ARL6IP6: variants seen among roughly 807,000 people sequenced by gnomAD.
ARL6IP6 encodes the protein ARF like GTPase 6 interacting protein 6, also known as ADP-ribosylation factor-like protein 6-interacting protein 6.
ARL6IP6 carries 22 observed loss-of-function variants against 21.5 expected under a neutral mutation model. The observed-to-expected ratio is 1.02, with a 90% CI of 0.73 to 1.46. The LOEUF (loss-of-function observed/expected upper bound fraction) is 1.46, where lower values mean the gene tolerates loss of function less well. Ranked by LOEUF, ARL6IP6 falls within the 40% of genes most tolerant of loss-of-function variation. The pLI is 0.00. For synonymous variants in ARL6IP6, 164 were observed against 125.3 expected (o/e 1.31, Z -2.06); for missense variants, 388 against 299.8 (o/e 1.29, Z -2.17).
chr2:152,718,294 G>A (rs565757598), upstream of ARL6IP6: 370 of 276,012 alleles, frequency 1.3e-3, 3 homozygotes, highest in African/African-American at 7.1e-3. Context: ...CGTTGGTGAC[G>A]CGGGGGTGGC....
intron 2 of ARL6IP6, among the ~76,000 whole-genome samples, chr2:152,731,819 C>T (rs1574030803): frequency 6.6e-6 from 1 of 152,210 alleles, no homozygotes; most frequent in African/African-American, 2.4e-5. Flanking sequence ...ATATACATTT[C>T]TTCATATATA....
Position 152,718,990 on chromosome 2 carries a change from C to T in ARL6IP6, c.366C>T (p.Ala122=). The T allele has an allele frequency of 3.2e-6, 5 of 1,583,946 alleles. No individual in the cohort carries two copies. The highest frequency in any genetic ancestry group is 4.3e-6 in the Non-Finnish European group (5 of 1,162,296). The change falls in exon 1 of 4, where the codon GCC becomes GCT. Residue 122 remains alanine, a synonymous_variant. Coordinates refer to ENST00000326446, the MANE Select transcript of ARL6IP6 (RefSeq NM_152522.7). ...LCSLLFAILL[A]FLLAIAYLIV... is the part of the protein sequence containing the mutation. The stretch of plus-strand genomic sequence containing the variant: ...CGCTGCTCTTCGCCATTCTTCTCGC[C>T]TTCCTCCTCGCCATCGCCTACTTGA...
intron 3 of ARL6IP6, among the ~76,000 whole-genome samples, chr2:152,753,595 C>A (rs770367281): frequency 2.6e-5 from 4 of 150,970 alleles, no homozygotes; most frequent in Non-Finnish European, 4.4e-5. Flanking sequence ...CTACTGAGAT[C>A]TCATTGAATT....
chr2:152,732,275 A>G (rs1700354721), intron 2 of ARL6IP6, among the ~76,000 whole-genome samples: 1 of 152,086 alleles, frequency 6.6e-6, no homozygotes, highest in Non-Finnish European at 1.5e-5. Flanking sequence ...CTCCATAGAA[A>G]TTAAAACAAT....
Position 152,760,337 on chromosome 2 carries a change from A to G in ARL6IP6, c.*497A>G, listed in dbSNP as rs1256201284. ...AGCTACTTTTAAATCAGAATATTTAATTTTTGATATTCATATAATTAATAG... is the reference window on the plus strand; with the variant it reads ...AGCTACTTTTAAATCAGAATATTTAGTTTTTGATATTCATATAATTAATAG... On this transcript the variant is annotated 3_prime_UTR_variant, in exon 4 of 4. Transcript: ENST00000326446. 6.6e-6 allele frequency: 1 copy of G among 152,554 alleles called. No homozygotes were observed. Among genetic ancestry groups the G allele is most frequent in the Non-Finnish European group, 1.5e-5 (1 of 68,022 alleles). 9.5% of individuals were successfully genotyped at this position (152,554 alleles called of 1,614,324 possible).
At chr2:152,718,452 C>T (rs1451277126), upstream of ARL6IP6, 3 of 902,914 alleles carry the variant, frequency 3.3e-6, no homozygotes, top group South Asian at 2.5e-5. Context: ...TCCGCCTCTC[C>T]TTTGGCCCTG....
At chr2:152,748,526 G>A (rs1701166125) in intron 3 of ARL6IP6, among the ~76,000 whole-genome samples, 1 of 152,264 alleles carries the variant, frequency 6.6e-6, no homozygotes, top group South Asian at 2.1e-4. Flanking sequence ...GATAGAATGA[G>A]AAAACAAAGG....
rs1255529274 is a variant in ARL6IP6, at chr2:152,760,562, C to CCT, written c.*723_*724dup. 1 of 151,294 alleles carries CCT rather than the reference C, an allele frequency of 6.6e-6. No homozygotes were observed. The highest frequency in any genetic ancestry group is 1.5e-5 in the Non-Finnish European group (1 of 67,824). The allele number at this position is 151,294 out of a possible 1,614,324, so 9.4% of individuals were successfully genotyped here. A position where few individuals can be genotyped will look rare whatever the true frequency, so the allele number is the denominator to read the frequency against. On this transcript the variant is annotated 3_prime_UTR_variant, in exon 4 of 4. Coordinates refer to ENST00000326446, the MANE Select transcript of ARL6IP6 (RefSeq NM_152522.7). Reference sequence around the variant, plus strand: ...TAAAAAAAGCAAAAAAGCACATTGACCTAAGTTGAAAATTAAGTAAGTTTA... The same window carrying CCT: ...TAAAAAAAGCAAAAAAGCACATTGACCTCTAAGTTGAAAATTAAGTAAGTTTA...
In ARL6IP6 at chr2:152,735,104, C is replaced by A. The variant is rs1035943931; in HGVS notation, c.565C>A (p.Pro189Thr). 1 of 1,613,672 alleles carries A rather than the reference C, an allele frequency of 6.2e-7. No individual in the cohort carries two copies. The highest frequency in any genetic ancestry group is 1.3e-5 in the African/African-American group (1 of 74,916). Reference sequence around the variant, plus strand: ...TGAACCAGGAATGTTTCCTCCTACTCCTCTTTCACCTGCCAGGTTCAAGTA... The same window carrying A: ...TGAACCAGGAATGTTTCCTCCTACTACTCTTTCACCTGCCAGGTTCAAGTA... ...SFEPGMFPPTPLSPARFKKLT... is the reference protein window; with the variant it reads ...SFEPGMFPPTTLSPARFKKLT... Residue 189 changes from proline (P) to threonine (T), a missense_variant, in exon 3 of 4, where the codon CCT (proline) becomes ACT (threonine). Physicochemically the swap from Pro to Thr is conservative, Grantham distance 38. Coordinates refer to ENST00000326446, the MANE Select transcript of ARL6IP6 (RefSeq NM_152522.7).
At chr2:152,758,047 A>G (rs1701667390) in intron 3 of ARL6IP6, among the ~76,000 whole-genome samples, 1 of 152,208 alleles carries the variant, frequency 6.6e-6, no homozygotes, top group African/African-American at 2.4e-5. Context: ...GAGTACAGTC[A>G]TCCCCCTTTA....
intron 2 of ARL6IP6, chr2:152,732,401 T>C (rs1277036278): frequency 8.3e-6 from 2 of 241,420 alleles, no homozygotes; most frequent in Admixed American, 5.9e-5. Context: ...ATACCTAATT[T>C]CTCTGATTAT....
At chr2:152,745,074 A>G (rs1008604514) in intron 3 of ARL6IP6, among the ~76,000 whole-genome samples, 3 of 152,188 alleles carry the variant, frequency 2.0e-5, no homozygotes, top group Admixed American at 6.5e-5. Flanking sequence ...AGTAGGGAGC[A>G]GCAGATAGTA....
chr2:152,749,260 AAAG>A (rs1411398493), intron 3 of ARL6IP6, among the ~76,000 whole-genome samples: 1 of 152,000 alleles, frequency 6.6e-6, no homozygotes, highest in Non-Finnish European at 1.5e-5. Flanking sequence ...GTGAATTATA[AAAG>A]AAGTCGTTAT....
At position 152,718,947 on chromosome 2, in the gene ARL6IP6, T is replaced by A; in HGVS notation, c.323T>A (p.Val108Asp). Residue 108 changes from valine (V) to aspartate (D), a missense_variant, in exon 1 of 4, where the codon GTC becomes GAC. Physicochemically the swap from Val to Asp is radical, Grantham distance 152. Coordinates refer to ENST00000326446, the MANE Select transcript of ARL6IP6 (RefSeq NM_152522.7). Reference protein sequence around the residue: ...RAQPRRWPVQVLSILCSLLFA... With the variant: ...RAQPRRWPVQDLSILCSLLFA... ...CAGCCTCGGCGGTGGCCGGTCCAGG[T>A]CCTCTCTATTCTCTGCTCGCTGCTC... is the stretch of plus-strand genomic sequence containing the variant. 6.2e-7 allele frequency: 1 copy of A among 1,609,586 alleles called. No individual in the cohort carries two copies. Among genetic ancestry groups the A allele is most frequent in the Non-Finnish European group, 8.5e-7 (1 of 1,177,652 alleles).
chr2:152,720,952 C>T (rs538901645), intron 2 of ARL6IP6, among the ~76,000 whole-genome samples: 105 of 152,210 alleles, frequency 6.9e-4, no homozygotes, highest in African/African-American at 2.4e-3. Flanking sequence ...ATTAGCCAGG[C>T]ATGGTTTCAC....
chr2:152,735,071 G>C lies in ARL6IP6; in HGVS notation c.532G>C (p.Asp178His). The C allele has an allele frequency of 1.2e-6, 2 of 1,613,534 alleles. No individual in the cohort carries two copies. The highest frequency in any genetic ancestry group is 1.7e-6 in the Non-Finnish European group (2 of 1,179,636). The change falls in exon 3 of 4, where the codon GAT (aspartate) becomes CAT (histidine). Residue 178 changes from aspartate (D) to histidine (H), a missense_variant. Transcript: ENST00000326446. Reference sequence around the variant, plus strand: ...CTTTTCTTGGACAGTGACTTACTTTGATTCTTTTGAACCAGGAATGTTTCC... The same window carrying C: ...CTTTTCTTGGACAGTGACTTACTTTCATTCTTTTGAACCAGGAATGTTTCC... ...CSFSWTVTYF[D>H]SFEPGMFPPT...
intron 3 of ARL6IP6, among the ~76,000 whole-genome samples, chr2:152,741,717 T>C (rs895823859): frequency 2.6e-5 from 4 of 152,166 alleles, no homozygotes; most frequent in Non-Finnish European, 4.4e-5. Flanking sequence ...AAATACAAGA[T>C]AGAGAACTTT....
chr2:152,723,823 TG>T (rs1317976587), intron 2 of ARL6IP6, among the ~76,000 whole-genome samples: 1 of 151,994 alleles, frequency 6.6e-6, no homozygotes, highest in Non-Finnish European at 1.5e-5. Context: ...AGAGAAAGGA[TG>T]TGTGGGAGGT....
chr2:152,728,776 A>G (rs549139692), intron 2 of ARL6IP6, among the ~76,000 whole-genome samples: 1 of 152,160 alleles, frequency 6.6e-6, no homozygotes, highest in Non-Finnish European at 1.5e-5. Flanking sequence ...ACATCATTTC[A>G]TTGGCCAGAC....
Sources: allele counts gnomAD v4.1 joint callset (sites outside exome capture counted in the v4.1 genomes callset), GRCh38; gene constraint gnomAD v4.1.1; transcripts MANE v1.5; gene names NCBI Gene and HGNC (gene_info 2026-07-23, HGNC 2026-07-21).